The following CADPS variants were observed in gnomAD, a reference collection of about 807,000 sequenced individuals.
CADPS encodes calcium-dependent secretion activator 1.
CADPS carries 57 observed loss-of-function variants against 167.3 expected under a neutral mutation model. The observed-to-expected ratio is 0.34, with a 90% CI of 0.28 to 0.42. The LOEUF is 0.42. Ranked by LOEUF, CADPS falls within the 20% of genes least tolerant of loss-of-function variation. CADPS has a pLI of 1.00. For synonymous variants in CADPS, 676 were observed against 635.3 expected, an observed-to-expected ratio of 1.06 and a Z score of -0.96; for missense variants, 1,414 against 1,738.1, an observed-to-expected ratio of 0.81 and a Z score of 3.32.
intron 3 of CADPS, among the ~76,000 whole-genome samples, chr3:62,704,981 C>T (rs148670446): frequency 6.6e-6 from 1 of 152,206 alleles, no homozygotes; most frequent in African/African-American, 2.4e-5. Flanking sequence ...CACAGGAACA[C>T]CCCTCATCAG....
intron 7 of CADPS, 116 bp downstream of exon 7, chr3:62,592,521 G>A (rs571031564): frequency 6.7e-6 from 5 of 749,844 alleles, no homozygotes; most frequent in Admixed American, 2.2e-5. Context: ...AGGACTTAAT[G>A]TTCAAAACTG....
chr3:62,610,012 C>T (rs2061273776), intron 6 of CADPS, among the ~76,000 whole-genome samples: 1 of 151,910 alleles, frequency 6.6e-6, no homozygotes, highest in African/African-American at 2.4e-5. Context: ...TCGCTTGAGC[C>T]CAGGGGGTCG....
In CADPS at chr3:62,709,164, C is replaced by T. The variant is rs555587231; in HGVS notation, c.888+44277G>A. ...AACAAAGGGTGTGGCAAGCAATAATCTGACAAATTGGGTCACTCCCTCTTC... is the reference window on the plus strand; with the variant it reads ...AACAAAGGGTGTGGCAAGCAATAATTTGACAAATTGGGTCACTCCCTCTTC... On this transcript the variant is annotated intron_variant, in intron 3 of 29. Coordinates refer to ENST00000383710, the MANE Select transcript of CADPS (RefSeq NM_003716.4). Among the ~76,000 whole-genome samples, 4 of 152,192 alleles carry T rather than the reference C, an allele frequency of 2.6e-5. No individual in the cohort carries two copies. The East Asian group carries it at 7.7e-4, about 29-fold the overall frequency.
intron 1 of CADPS, among the ~76,000 whole-genome samples, chr3:62,845,885 ACT>A (rs1234130166): frequency 2.6e-5 from 4 of 151,872 alleles, no homozygotes; most frequent in African/African-American, 9.7e-5. Context: ...ATATGGTTTC[ACT>A]CTGTGTCCCC....
At chr3:62,736,562 T>C (rs1030206091) in intron 3 of CADPS, among the ~76,000 whole-genome samples, 4 of 152,200 alleles carry the variant, frequency 2.6e-5, no homozygotes, top group African/African-American at 9.6e-5. Flanking sequence ...TACAACTTTC[T>C]ATCTTACTCC....
At chr3:62,776,273 C>A (rs1408066891) in intron 1 of CADPS, among the ~76,000 whole-genome samples, 2 of 152,182 alleles carry the variant, frequency 1.3e-5, no homozygotes, top group Non-Finnish European at 2.9e-5. Flanking sequence ...CAGGGGCTTG[C>A]ATGCCAAACT....
At chr3:62,808,248 A>AATAAATGAG (rs11276452) in intron 1 of CADPS, among the ~76,000 whole-genome samples, 139,948 of 151,596 alleles carry the variant, frequency 0.92, 64,588 homozygotes, top group East Asian at 1. Flanking sequence ...GAATAAAAAT[A>AATAAATGAG]ATAAAAGATT....
chr3:62,457,115 G>C (rs1389453994), intron 26 of CADPS, among the ~76,000 whole-genome samples: 1 of 152,124 alleles, frequency 6.6e-6, no homozygotes, highest in Non-Finnish European at 1.5e-5. Flanking sequence ...AGTAGCTGAT[G>C]CTAACATTTG....
rs201589334 is a variant in CADPS, at chr3:62,487,450, G to T, written c.3026+3889C>A. Reference sequence around the variant, plus strand: ...GAGTGGTGACCCTACTACATGTCCTGATGGAAACCCATGAGAGGGCCATGG... The same window carrying T: ...GAGTGGTGACCCTACTACATGTCCTTATGGAAACCCATGAGAGGGCCATGG... On this transcript the variant is annotated intron_variant, in intron 21 of 29. Transcript: ENST00000383710. 5.3e-5 allele frequency among the ~76,000 whole-genome samples: 8 copies of T among 152,274 alleles called. No homozygotes were observed. The East Asian group carries it at 1.4e-3, about 26-fold the overall frequency.
intron 1 of CADPS, among the ~76,000 whole-genome samples, chr3:62,778,328 T>G (rs2971928): frequency 0.06 from 9,080 of 152,280 alleles, 614 homozygotes; most frequent in African/African-American, 0.16. Flanking sequence ...AGTTAACAAT[T>G]GTTCAAATTT....
At chr3:62,515,990 A>G (rs1391497453) in intron 16 of CADPS, 69 bp downstream of exon 16, 4 of 1,588,468 alleles carry the variant, frequency 2.5e-6, no homozygotes, top group Non-Finnish European at 3.4e-6. Flanking sequence ...CCTTGAGAAA[A>G]GAGAAAGACT....
At chr3:62,556,780 C>A (rs1218322110) in intron 10 of CADPS, among the ~76,000 whole-genome samples, 1 of 151,352 alleles carries the variant, frequency 6.6e-6, no homozygotes, top group Non-Finnish European at 1.5e-5. Context: ...TACTACCGCT[C>A]GTGTAGTTTT....
intron 6 of CADPS, among the ~76,000 whole-genome samples, chr3:62,639,609 T>C (rs1381480727): frequency 2.0e-5 from 3 of 152,210 alleles, no homozygotes; most frequent in South Asian, 2.1e-4. Context: ...TAAATACTAG[T>C]TTACCAATAT....
intron 13 of CADPS, among the ~76,000 whole-genome samples, chr3:62,521,863 G>T (rs2151793269): frequency 6.6e-6 from 1 of 152,262 alleles, no homozygotes; most frequent in Non-Finnish European, 1.5e-5. Context: ...CTTCCTAGAG[G>T]CCAGCCCCTC....
intron 6 of CADPS, among the ~76,000 whole-genome samples, chr3:62,607,711 C>T (rs576070653): frequency 2.0e-5 from 3 of 152,228 alleles, no homozygotes; most frequent in Non-Finnish European, 2.9e-5. Context: ...TGCATTGGGG[C>T]GGGGGTTGGC....
intron 6 of CADPS, among the ~76,000 whole-genome samples, chr3:62,594,843 A>T (rs2058696999): frequency 6.6e-6 from 1 of 152,202 alleles, no homozygotes. Flanking sequence ...TGCTTTCCAC[A>T]AAGGCAGTGA....
intron 26 of CADPS, among the ~76,000 whole-genome samples, chr3:62,449,542 T>A (rs2057738485): frequency 6.6e-6 from 1 of 152,176 alleles, no homozygotes; most frequent in South Asian, 2.1e-4. Flanking sequence ...TTTTGCCAGC[T>A]ATACTCTAGG....
At position 62,874,973 on chromosome 3, in the gene CADPS, G is replaced by C. The variant is rs774661931; in HGVS notation, c.57C>G (p.Ser19Arg). ...EESDEIVEEE[S>R]GKEVLGSAPS... is the part of the protein sequence containing the mutation. ...GGGCCGAGCCGAGCACCTCCTTGCC[G>C]CTCTCCTCCTCCACGATCTCATCCG... The change falls in exon 1 of 30, where the codon AGC becomes AGG. Residue 19 changes from serine to arginine, a missense_variant. Ser to Arg is a moderately radical substitution (Grantham distance 110, BLOSUM62 -1). Around this residue, in one of 6 missense-constraint regions of CADPS, gnomAD observed 522 missense variants for 559.5 expected, o/e 0.93. Transcript: ENST00000383710. The surrounding 1 kb of genome is among the most constrained non-coding windows in gnomAD (Gnocchi z 7.1). 3.8e-6 allele frequency: 6 copies of C among 1,592,666 alleles called. No individual in the cohort carries two copies. The Admixed American group carries it at 1.0e-4, about 27-fold the overall frequency.
At chr3:62,476,518 T>C (rs1459194459) in intron 23 of CADPS, among the ~76,000 whole-genome samples, 1 of 152,156 alleles carries the variant, frequency 6.6e-6, no homozygotes, top group Non-Finnish European at 1.5e-5. Flanking sequence ...GTGCCAAGCA[T>C]GGTGCTGAGA....
Sources: allele counts gnomAD v4.1 joint callset (sites outside exome capture counted in the v4.1 genomes callset), GRCh38; gene constraint gnomAD v4.1.1; regional missense constraint gnomAD v4.1.1; non-coding constraint Gnocchi (gnomAD v3.1); transcripts MANE v1.5; gene names NCBI Gene and HGNC (gene_info 2026-07-23, HGNC 2026-07-21).